The following SYN2 variants were observed in gnomAD, a reference collection of about 807,000 sequenced individuals.
The protein encoded by SYN2 is synapsin-2.
A neutral mutation model predicts 50.9 loss-of-function variants in SYN2; 19 were observed. That is an observed-to-expected ratio of 0.37 (90% CI 0.26 to 0.55). The LOEUF is 0.55. Ranked by LOEUF, SYN2 falls within the 20% of genes least tolerant of loss-of-function variation. The pLI is 0.81. For synonymous variants in SYN2, 255 were observed against 224.9 expected (o/e 1.13, Z -1.20); for missense variants, 587 against 576.4 (o/e 1.02, Z -0.19).
chr3:12,160,697 A>G (rs1697626470), intron 5 of SYN2, among the ~76,000 whole-genome samples: 1 of 152,242 alleles, frequency 6.6e-6, no homozygotes, highest in Non-Finnish European at 1.5e-5. Context: ...AGTGAGATAC[A>G]GTGACTTGTA....
At chr3:12,119,156 T>C (rs986288906) in intron 1 of SYN2, among the ~76,000 whole-genome samples, 3 of 152,212 alleles carry the variant, frequency 2.0e-5, no homozygotes, top group Middle Eastern at 3.2e-3. Flanking sequence ...TATCTTCTTT[T>C]TCTTTGGTCC....
chr3:12,160,042 CAAAAAAAA>C lies in SYN2; in HGVS notation c.775-1487_775-1480del, dbSNP rs3079818. Among the ~76,000 whole-genome samples, 290 of 67,616 alleles carry C rather than the reference CAAAAAAAA, an allele frequency of 4.3e-3. 2 individuals are homozygous for C. The highest frequency in any genetic ancestry group is 4.9e-3 in the Non-Finnish European group (189 of 38,500). The allele number at this position is 67,616 out of a possible 152,430, so 44.4% of individuals were successfully genotyped here. A position where few individuals can be genotyped will look rare whatever the true frequency, so the allele number is the denominator to read the frequency against. On this transcript the variant is annotated intron_variant, in intron 5 of 12. Transcript: ENST00000621198. ...TGGGCGACAGAGTGAGACTCCGTCT[CAAAAAAAA>C]AAAAAAAAAAAAAAAAGTAAAAGAA...
chr3:12,154,428 CTT>C, intron 5 of SYN2: 1 of 1,614,108 alleles, frequency 6.2e-7, no homozygotes, highest in Non-Finnish European at 8.5e-7. Context: ...TGGATGAAGA[CTT>C]TTCCATCACT....
intron 1 of SYN2, among the ~76,000 whole-genome samples, chr3:12,055,960 C>T (rs901426520): frequency 2.6e-5 from 4 of 152,162 alleles, no homozygotes; most frequent in African/African-American, 9.7e-5. Flanking sequence ...CAAGCCTCTG[C>T]GTCCAGCTGC....
intron 10 of SYN2, among the ~76,000 whole-genome samples, chr3:12,171,868 A>C (rs1263525494): frequency 2.6e-5 from 4 of 152,242 alleles, no homozygotes; most frequent in African/African-American, 4.8e-5. Flanking sequence ...TCTACCCCAC[A>C]AAAAGCATTA....
At chr3:12,085,098 GCTGA>G (rs1695663552) in intron 1 of SYN2, among the ~76,000 whole-genome samples, 1 of 67,432 alleles carries the variant, frequency 1.5e-5, no homozygotes, top group Non-Finnish European at 2.8e-5. Flanking sequence ...GCATTGAATG[GCTGA>G]CTGGGTAAAA....
At chr3:12,184,361 C>T (rs1239960527) in intron 11 of SYN2, 1 of 985,714 alleles carries the variant, frequency 1.0e-6, no homozygotes, top group Non-Finnish European at 1.2e-6. Context: ...CTTTCTGTTC[C>T]CAAAGCTTGA....
intron 10 of SYN2, among the ~76,000 whole-genome samples, chr3:12,180,035 A>G (rs772613171): frequency 6.6e-6 from 1 of 151,914 alleles, no homozygotes; most frequent in Non-Finnish European, 1.5e-5. Flanking sequence ...TGCAGCATCC[A>G]CCTCCCAGGC....
At chr3:12,120,990 C>T (rs1265194080) in intron 1 of SYN2, among the ~76,000 whole-genome samples, 2 of 152,200 alleles carry the variant, frequency 1.3e-5, no homozygotes, top group Non-Finnish European at 2.9e-5. Context: ...TTAGTCTCAT[C>T]GGCCATCATT....
intron 1 of SYN2, among the ~76,000 whole-genome samples, chr3:12,017,001 A>G (rs945431461): frequency 1.3e-5 from 2 of 152,208 alleles, no homozygotes; most frequent in Non-Finnish European, 2.9e-5. Context: ...ACAATATCAC[A>G]GTCTCAGTGG....
At chr3:12,064,296 T>C (rs1290673769) in intron 1 of SYN2, among the ~76,000 whole-genome samples, 1 of 152,108 alleles carries the variant, frequency 6.6e-6, no homozygotes, top group Non-Finnish European at 1.5e-5. Context: ...GTGATTAATG[T>C]GGTATCCTGT....
At chr3:12,019,680 T>C (rs73135642) in intron 1 of SYN2, among the ~76,000 whole-genome samples, 28 of 152,322 alleles carry the variant, frequency 1.8e-4, no homozygotes, top group African/African-American at 6.7e-4. Context: ...TTCTGATTCC[T>C]TATTAAGGTC....
At chr3:12,067,598 ACT>A (rs1259660727) in intron 1 of SYN2, among the ~76,000 whole-genome samples, 1 of 146,410 alleles carries the variant, frequency 6.8e-6, no homozygotes, top group Non-Finnish European at 1.5e-5. Flanking sequence ...CAAGCTCCAG[ACT>A]CTCTTATCTT....
chr3:12,142,114 T>G, intron 3 of SYN2, 118 bp downstream of exon 3: 1 of 643,184 alleles, frequency 1.6e-6, no homozygotes, highest in Admixed American at 2.5e-5. Flanking sequence ...ATGTATGGTA[T>G]ACAGAATTTA....
At chr3:12,185,485 C>G in intron 11 of SYN2, 1 of 985,846 alleles carries the variant, frequency 1.0e-6, no homozygotes, top group Non-Finnish European at 1.2e-6. Flanking sequence ...ATAGCATAAC[C>G]TGACTGTTAT....
chr3:12,167,074 G>C (rs747143497), intron 7 of SYN2, among the ~76,000 whole-genome samples, 160 bp from the exon 8 acceptor site: 319 of 152,324 alleles, frequency 2.1e-3, no homozygotes, highest in Non-Finnish European at 3.9e-3. Context: ...GGATTTGGCA[G>C]AGGCACCCAG....
At chr3:12,043,392 C>T (rs916966499) in intron 1 of SYN2, among the ~76,000 whole-genome samples, 1 of 152,086 alleles carries the variant, frequency 6.6e-6, no homozygotes, top group Non-Finnish European at 1.5e-5. Context: ...TTTGTTATGA[C>T]AGCCTTAGGA....
chr3:12,160,910 A>G (rs972299360), intron 5 of SYN2, among the ~76,000 whole-genome samples: 3 of 152,228 alleles, frequency 2.0e-5, no homozygotes, highest in African/African-American at 7.2e-5. Flanking sequence ...TCCCCTAAGG[A>G]TCTCTCTGCA....
At chr3:12,038,001 T>G (rs901959116) in intron 1 of SYN2, among the ~76,000 whole-genome samples, 1 of 152,216 alleles carries the variant, frequency 6.6e-6, no homozygotes, top group Non-Finnish European at 1.5e-5. Flanking sequence ...CACAAAGACT[T>G]ACACCTATAT....
Sources: allele counts gnomAD v4.1 joint callset (sites outside exome capture counted in the v4.1 genomes callset), GRCh38; gene constraint gnomAD v4.1.1; transcripts MANE v1.5; gene names NCBI Gene and HGNC (gene_info 2026-07-23, HGNC 2026-07-21).